The following ARHGAP42 variants were observed in gnomAD, a reference collection of about 807,000 sequenced individuals.
ARHGAP42 encodes the protein rho GTPase-activating protein 42.
Under a neutral mutation model 125.0 loss-of-function variants are expected in ARHGAP42, and 63 were observed. The ratio of observed to expected loss-of-function variants is 0.50; its 90% CI spans 0.41 to 0.62. The LOEUF (loss-of-function observed/expected upper bound fraction) is 0.62. Among genes scored for constraint, ARHGAP42 ranks in the 20% least tolerant of loss-of-function variants. The pLI, the probability that ARHGAP42 is intolerant of heterozygous loss-of-function variation, is 0.00. For synonymous variants in ARHGAP42, 339 were observed against 351.0 expected (o/e 0.97, Z 0.38); for missense variants, 766 against 1,024.2 (o/e 0.75, Z 3.44).
At position 100,911,350 on chromosome 11, in the gene ARHGAP42, C is replaced by T. The variant is rs192637343; in HGVS notation, c.385-2102C>T. ...AGATGGGGGTGTATACATAAAATCT[C>T]TGCTGTAAGTAGAACATGAACCCTA... is the stretch of plus-strand genomic sequence containing the variant. On this transcript the variant is annotated intron_variant, in intron 4 of 23. Coordinates refer to ENST00000298815, the MANE Select transcript of ARHGAP42 (RefSeq NM_152432.4). Among the ~76,000 whole-genome samples the T allele has an allele frequency of 1.0e-3, 153 of 152,142 alleles. 1 individual carries two copies. The highest frequency in any genetic ancestry group is 1.2e-3 in the South Asian group (6 of 4,826).
chr11:100,811,441 A>G (rs1239289835), intron 3 of ARHGAP42, among the ~76,000 whole-genome samples: 1 of 152,000 alleles, frequency 6.6e-6, no homozygotes, highest in Admixed American at 6.5e-5. Flanking sequence ...GTGAATGACT[A>G]GAGTTTGGGA....
chr11:100,959,458 T>C (rs7950572), intron 12 of ARHGAP42, among the ~76,000 whole-genome samples: 89,555 of 151,844 alleles, frequency 0.59, 27,204 homozygotes, highest in African/African-American at 0.68. Flanking sequence ...CAGGGAATCA[T>C]CTTAAGACTG....
chr11:100,915,391 C>A (rs1417142378), intron 5 of ARHGAP42, among the ~76,000 whole-genome samples: 1 of 152,114 alleles, frequency 6.6e-6, no homozygotes, highest in East Asian at 1.9e-4. Flanking sequence ...TCATCATCTA[C>A]CATGCCCAGG....
At chr11:100,818,089 G>A (rs895726259) in intron 3 of ARHGAP42, among the ~76,000 whole-genome samples, 1 of 152,152 alleles carries the variant, frequency 6.6e-6, no homozygotes, top group Non-Finnish European at 1.5e-5. Context: ...GAATTATGTT[G>A]CCTGAAAGAG....
intron 6 of ARHGAP42, among the ~76,000 whole-genome samples, chr11:100,923,249 C>G (rs1224892997): frequency 6.6e-6 from 1 of 152,148 alleles, no homozygotes; most frequent in Non-Finnish European, 1.5e-5. Context: ...GGGCCTGCAC[C>G]TTGGGATTTT....
At chr11:100,758,384 T>C (rs1392435302) in intron 1 of ARHGAP42, among the ~76,000 whole-genome samples, 1 of 152,224 alleles carries the variant, frequency 6.6e-6, no homozygotes, top group Non-Finnish European at 1.5e-5. Flanking sequence ...AATATATGTA[T>C]TGCATAACTG....
chr11:100,881,138 T>C (rs570528520), intron 4 of ARHGAP42, among the ~76,000 whole-genome samples: 25 of 152,286 alleles, frequency 1.6e-4, no homozygotes, highest in African/African-American at 5.8e-4. Flanking sequence ...GCTTTTGGGT[T>C]CTTGGTCATG....
In ARHGAP42 at chr11:100,973,215, A is replaced by G; in HGVS notation, c.1591A>G (p.Asn531Asp). Residue 531 changes from asparagine to aspartate, a missense_variant, in exon 18 of 24, where the codon AAT becomes GAT. By Grantham distance (23) the Asn-to-Asp change is conservative. Coordinates refer to ENST00000298815, the MANE Select transcript of ARHGAP42 (RefSeq NM_152432.4). ...HSQQNLMTVS[N>D]LGVIFGPTLM... ...CCAACAAAATCTCATGACTGTCTCA[A>G]ATCTTGGTGTCATATTTGGCCCAAC... 1 of 1,550,866 alleles carries G rather than the reference A, an allele frequency of 6.4e-7. No homozygotes were observed. The highest frequency in any genetic ancestry group is 8.7e-7 in the Non-Finnish European group (1 of 1,146,564).
chr11:100,774,017 A>C (rs964385310), intron 2 of ARHGAP42, among the ~76,000 whole-genome samples: 2 of 152,232 alleles, frequency 1.3e-5, no homozygotes, highest in African/African-American at 4.8e-5. Flanking sequence ...TTACAAGTAT[A>C]AAATATTTCT....
intron 20 of ARHGAP42, among the ~76,000 whole-genome samples, 170 bp downstream of exon 20, chr11:100,976,607 G>C (rs985403577): frequency 1.3e-5 from 2 of 152,110 alleles, no homozygotes; most frequent in African/African-American, 2.4e-5. Context: ...CATTTTTCCT[G>C]AATCTTTCCA....
intron 2 of ARHGAP42, among the ~76,000 whole-genome samples, chr11:100,777,903 C>T (rs73007642): frequency 0.032 from 4,863 of 152,150 alleles, 105 homozygotes; most frequent in Non-Finnish European, 0.047. Flanking sequence ...TAGAACTGGG[C>T]GGGGTGTGAT....
At chr11:100,957,124 T>TA (rs1170774721) in intron 12 of ARHGAP42, among the ~76,000 whole-genome samples, 1 of 152,116 alleles carries the variant, frequency 6.6e-6, no homozygotes, top group Non-Finnish European at 1.5e-5. Context: ...AAGATACTAT[T>TA]ATCTTTATTT....
At chr11:100,701,295 A>G (rs1861392370) in intron 1 of ARHGAP42, among the ~76,000 whole-genome samples, 1 of 152,306 alleles carries the variant, frequency 6.6e-6, no homozygotes, top group South Asian at 2.1e-4. Flanking sequence ...TAGGATTTTC[A>G]GAATGGTAAA....
At chr11:100,808,216 C>T (rs1235910597) in intron 3 of ARHGAP42, among the ~76,000 whole-genome samples, 1 of 152,128 alleles carries the variant, frequency 6.6e-6, no homozygotes, top group African/African-American at 2.4e-5. Context: ...AATAAGGGAA[C>T]ATTTTTTGGT....
At position 100,787,976 on chromosome 11, in the gene ARHGAP42, G is replaced by A. The variant is rs887638510; in HGVS notation, c.251-7129G>A. Reference sequence around the variant, plus strand: ...GATAGATAAGTGCTGAGGCAGAGATGCCCCTAACCCTATGCAGAGTATCTT... The same window carrying A: ...GATAGATAAGTGCTGAGGCAGAGATACCCCTAACCCTATGCAGAGTATCTT... On this transcript the variant is annotated intron_variant, in intron 2 of 23. Coordinates refer to ENST00000298815, the MANE Select transcript of ARHGAP42 (RefSeq NM_152432.4). 6.0e-5 allele frequency among the ~76,000 whole-genome samples: 6 copies of A among 99,502 alleles called. No individual in the cohort carries two copies. The Admixed American group carries it at 7.2e-4, about 12-fold the overall frequency. 65.3% of individuals were successfully genotyped at this position (99,502 alleles called of 152,430 possible). A position where few individuals can be genotyped will look rare whatever the true frequency, so the allele number is the denominator to read the frequency against.
intron 17 of ARHGAP42, among the ~76,000 whole-genome samples, chr11:100,971,597 T>C (rs552734043): frequency 6.6e-6 from 1 of 152,308 alleles, no homozygotes; most frequent in African/African-American, 2.4e-5. Context: ...CTGTGCAATG[T>C]AGTCATTAAC....
chr11:100,878,589 T>C (rs1024176105), intron 4 of ARHGAP42, among the ~76,000 whole-genome samples: 2 of 152,174 alleles, frequency 1.3e-5, no homozygotes, highest in Non-Finnish European at 2.9e-5. Context: ...GCTTTCTTTC[T>C]AACTTAAACT....
chr11:100,848,720 G>A (rs1793690588), intron 3 of ARHGAP42, among the ~76,000 whole-genome samples: 1 of 152,084 alleles, frequency 6.6e-6, no homozygotes, highest in Admixed American at 6.6e-5. Flanking sequence ...TGGCCAGGCT[G>A]ATCTTGAACT....
chr11:100,713,084 T>C (rs1355565878), intron 1 of ARHGAP42, among the ~76,000 whole-genome samples: 2 of 152,224 alleles, frequency 1.3e-5, no homozygotes, highest in African/African-American at 4.8e-5. Context: ...GGTGTTCCCA[T>C]TAAGACATAA....
Sources: allele counts gnomAD v4.1 joint callset (sites outside exome capture counted in the v4.1 genomes callset), GRCh38; gene constraint gnomAD v4.1.1; transcripts MANE v1.5; gene names NCBI Gene and HGNC (gene_info 2026-07-23, HGNC 2026-07-21).